The following PSMC4 variants were observed in gnomAD, a reference collection of about 807,000 sequenced individuals.
PSMC4 encodes 26S proteasome regulatory subunit 6B.
A neutral mutation model predicts 48.4 loss-of-function variants in PSMC4; 13 were observed. The observed-to-expected ratio is 0.27, with a 90% confidence interval of 0.18 to 0.43. The LOEUF is 0.43. Among genes scored for constraint, PSMC4 ranks in the 20% least tolerant of loss-of-function variants. The pLI is 1.00. For synonymous variants in PSMC4, 202 were observed against 212.3 expected (o/e 0.95, Z 0.42); for missense variants, 262 against 555.9 (o/e 0.47, Z 5.32).
chr19:39,971,351 A>C, intron 1 of PSMC4, 113 bp downstream of exon 1: 1 of 1,289,688 alleles, frequency 7.8e-7, no homozygotes, highest in Non-Finnish European at 1.1e-6. Context: ...GGTTGGGGTT[A>C]TTTTAGAGGC....
In PSMC4 at chr19:39,971,602, T is replaced by C. The variant is rs181550505; in HGVS notation, c.36+364T>C. On this transcript the variant is annotated intron_variant, in intron 1 of 10. Transcript: ENST00000157812. ...GGCCGAGTGATCCCCGGGTCTGGGC[T>C]GCGGGGCTGACTGATGTTCAGGGCT... Among the ~76,000 whole-genome samples the C allele has an allele frequency of 3.0e-3, 453 of 152,178 alleles. 1 individual carries two copies. The highest frequency in any genetic ancestry group is 8.8e-3 in the African/African-American group (366 of 41,530).
chr19:39,974,232 G>A lies in PSMC4; in HGVS notation c.323-62G>A. The A allele has an allele frequency of 6.3e-7, 1 of 1,589,914 alleles. No homozygotes were observed. The highest frequency in any genetic ancestry group is 8.6e-7 in the Non-Finnish European group (1 of 1,164,836). On this transcript the variant is annotated intron_variant, in intron 3 of 10. Transcript: ENST00000157812. The surrounding 1 kb of genome is among the most constrained non-coding windows in gnomAD (Gnocchi z 5.5). ...GTTGGGGTGTGGAGATTAGGAGGGA[G>A]GAAGGGGGAAGGGGCAGTTTCCAGG...
chr19:39,976,842 T>C (rs1197134696), intron 6 of PSMC4, among the ~76,000 whole-genome samples: 1 of 143,934 alleles, frequency 6.9e-6, no homozygotes, highest in East Asian at 2.0e-4. Flanking sequence ...ATTTTTTGTG[T>C]GTGATTTTTT....
At chr19:39,978,829 C>T (rs915478447) in intron 6 of PSMC4, among the ~76,000 whole-genome samples, 1 of 152,182 alleles carries the variant, frequency 6.6e-6, no homozygotes, top group South Asian at 2.1e-4. Context: ...CCAGCCTGAG[C>T]AATATAGCAA....
At position 39,981,218 on chromosome 19, in the gene PSMC4, C is replaced by T. The variant is rs147156023; in HGVS notation, c.1170C>T (p.Asn390=). ...GTGGAATGTTGGCTGTCCGTGAAAACCGCTACATTGTCCTGGCCAAGGACT... is the reference window on the plus strand; with the variant it reads ...GTGGAATGTTGGCTGTCCGTGAAAATCGCTACATTGTCCTGGCCAAGGACT... The part of the protein sequence containing the change: ...QESGMLAVRE[N]RYIVLAKDFE... The change falls in exon 11 of 11, where the codon AAC becomes AAT. Residue 390 remains asparagine, a synonymous_variant. Transcript: ENST00000157812. 1.9e-6 allele frequency: 3 copies of T among 1,613,872 alleles called. No individual in the cohort carries two copies. Among genetic ancestry groups the T allele is most frequent in the African/African-American group, 2.7e-5 (2 of 74,876 alleles).
chr19:39,978,199 C>G (rs947557749), intron 6 of PSMC4, among the ~76,000 whole-genome samples: 8 of 152,148 alleles, frequency 5.3e-5, no homozygotes, highest in African/African-American at 1.9e-4. Context: ...GAAGCAGGAG[C>G]CCATTCCAGG....
rs1475050573 is a variant in PSMC4, at chr19:39,980,729, T to C, written c.1143+12T>C. On this transcript the variant is annotated intron_variant, in intron 10 of 10. Transcript: ENST00000157812. The surrounding 1 kb of genome is among the most constrained non-coding windows in gnomAD (Gnocchi z 4.8). ...CCATCTGTCAGGAGGTAAGTGGTGGTTTCTCTCTGGATCCAGGCAGCGGGT... is the reference window on the plus strand; with the variant it reads ...CCATCTGTCAGGAGGTAAGTGGTGGCTTCTCTCTGGATCCAGGCAGCGGGT... 2 of 1,613,198 alleles carry C rather than the reference T, an allele frequency of 1.2e-6. No homozygotes were observed. Among genetic ancestry groups the C allele is most frequent in the Non-Finnish European group, 1.7e-6 (2 of 1,179,258 alleles).
In PSMC4 at chr19:39,979,672, C is replaced by T. The variant is rs559580186; in HGVS notation, c.674-145C>T. The T allele has an allele frequency of 4.2e-5, 32 of 762,328 alleles. No homozygotes were observed. In the East Asian group the frequency reaches 9.6e-4, roughly 23 times the overall value. 47.2% of individuals were successfully genotyped at this position (762,328 alleles called of 1,614,324 possible). On this transcript the variant is annotated intron_variant, in intron 6 of 10. Transcript: ENST00000157812. ...TCCTCAGGGCTGGATGTGGGGCTCA[C>T]CCTTGGGCATGAGGGAATGACACAA...
rs767692108 is a variant in PSMC4, at chr19:39,980,330, G to A, written c.963G>A (p.Leu321=). ...TNRADTLDPA[L]LRPGRLDRKI... is the part of the protein sequence containing the mutation. ...GAGCAGACACCCTGGATCCGGCCCT[G>A]CTACGGCCAGGACGGCTGGACCGTA... The change falls in exon 9 of 11, where the codon CTG becomes CTA. Residue 321 remains leucine (L), a synonymous_variant. Coordinates refer to ENST00000157812, the MANE Select transcript of PSMC4 (RefSeq NM_006503.4). This position sits in a 1 kb window ranked among gnomAD's most constrained non-coding sequence, Gnocchi z 4.8. The A allele has an allele frequency of 6.2e-7, 1 of 1,613,948 alleles. No homozygotes were observed. The highest frequency in any genetic ancestry group is 1.7e-5 in the Admixed American group (1 of 60,006).
At position 39,978,448 on chromosome 19, in the gene PSMC4, T is replaced by G. The variant is rs552173656; in HGVS notation, c.674-1369T>G. 9.2e-5 allele frequency among the ~76,000 whole-genome samples: 14 copies of G among 152,204 alleles called. No individual in the cohort carries two copies. The South Asian group carries it at 2.9e-3, about 32-fold the overall frequency. The stretch of plus-strand genomic sequence containing the variant: ...TGTTTTCTGTTTAGAGCAGAAAAAG[T>G]CAGAAATCTTGAGGTTAGGATGCTG... On this transcript the variant is annotated intron_variant, in intron 6 of 10. Coordinates refer to ENST00000157812, the MANE Select transcript of PSMC4 (RefSeq NM_006503.4).
intron 6 of PSMC4, among the ~76,000 whole-genome samples, chr19:39,975,069 G>A (rs980649728): frequency 6.6e-6 from 1 of 152,146 alleles, no homozygotes; most frequent in Non-Finnish European, 1.5e-5. Flanking sequence ...AATGGGTTGT[G>A]ACCTATTAGT....
chr19:39,973,742 C>T (rs574562648), intron 3 of PSMC4, among the ~76,000 whole-genome samples: 2 of 152,196 alleles, frequency 1.3e-5, no homozygotes, highest in East Asian at 3.9e-4. Flanking sequence ...CTGGGCTCTG[C>T]TCCTCTGGAC....
At chr19:39,981,018 G>C (rs1971279537) in intron 10 of PSMC4, among the ~76,000 whole-genome samples, 174 bp from the exon 11 acceptor site, 1 of 151,654 alleles carries the variant, frequency 6.6e-6, no homozygotes, top group Admixed American at 6.6e-5. Flanking sequence ...CCACCAGTCT[G>C]GCTAATTTTT....
In PSMC4 at chr19:39,975,561, A is replaced by G. The variant is rs866509439; in HGVS notation, c.673+733A>G. Among the ~76,000 whole-genome samples, 42 of 152,214 alleles carry G rather than the reference A, an allele frequency of 2.8e-4. 1 individual carries two copies. The highest frequency in any genetic ancestry group is 3.4e-3 in the Middle Eastern group (1 of 294). Reference sequence around the variant, plus strand: ...CAGTAGGAGGTAGTAGTTAAGCAGTATGTTTTCTGGGGCTAGACTGCCTGG... The same window carrying G: ...CAGTAGGAGGTAGTAGTTAAGCAGTGTGTTTTCTGGGGCTAGACTGCCTGG... On this transcript the variant is annotated intron_variant, in intron 6 of 10. Transcript: ENST00000157812.
chr19:39,973,083 T>G (rs1272481769), intron 3 of PSMC4, among the ~76,000 whole-genome samples: 2 of 152,214 alleles, frequency 1.3e-5, no homozygotes, highest in Non-Finnish European at 2.9e-5. Flanking sequence ...TCTGTATCTG[T>G]CTCTTACTTT....
Position 39,980,276 on chromosome 19 carries a change from C to A in PSMC4, c.919-10C>A, listed in dbSNP as rs375386605. ...GCAGAGATCTGAGCTGGCCTGCCCC[C>A]CAATGTCAGGTAATCATGGCCACAA... On this transcript the variant is annotated splice_polypyrimidine_tract_variant and intron_variant, in intron 8 of 10. Transcript: ENST00000157812. The surrounding 1 kb of genome is among the most constrained non-coding windows in gnomAD (Gnocchi z 4.8). The A allele has an allele frequency of 3.1e-6, 5 of 1,613,770 alleles. No individual in the cohort carries two copies. Among genetic ancestry groups the A allele is most frequent in the Non-Finnish European group, 4.2e-6 (5 of 1,179,910 alleles).
chr19:39,972,805 G>C (rs1340481869), intron 3 of PSMC4, among the ~76,000 whole-genome samples: 1 of 151,850 alleles, frequency 6.6e-6, no homozygotes, highest in Non-Finnish European at 1.5e-5. Context: ...GAGTGCAATG[G>C]CATGATCTCG....
At chr19:39,979,759 G>A in intron 6 of PSMC4, 58 bp from the exon 7 acceptor site, 1 of 1,494,228 alleles carries the variant, frequency 6.7e-7, no homozygotes, top group Non-Finnish European at 9.0e-7. Flanking sequence ...TTCTGTTAAA[G>A]CAGAATGGGC....
Position 39,974,420 on chromosome 19 carries a change from G to C in PSMC4, c.449G>C (p.Ser150Thr), listed in dbSNP as rs749080344. 6.2e-7 allele frequency: 1 copy of C among 1,614,076 alleles called. No homozygotes were observed. Among genetic ancestry groups the C allele is most frequent in the East Asian group, 2.2e-5 (1 of 44,872 alleles). Residue 150 changes from serine (S) to threonine (T), a missense_variant, in exon 4 of 11, where the codon AGC becomes ACC. Around this residue, in one of 4 missense-constraint regions of PSMC4, gnomAD observed 131 missense variants for 276.7 expected, o/e 0.47. Coordinates refer to ENST00000157812, the MANE Select transcript of PSMC4 (RefSeq NM_006503.4). The surrounding 1 kb of genome is among the most constrained non-coding windows in gnomAD (Gnocchi z 5.5). ...VDVLPPEADS[S>T]IMMLTSDQKP... ...GTGCTGCCCCCCGAAGCCGACAGCA[G>C]CATCATGATGCTCACCTCAGGTAAA...
Sources: allele counts gnomAD v4.1 joint callset (sites outside exome capture counted in the v4.1 genomes callset), GRCh38; gene constraint gnomAD v4.1.1; regional missense constraint gnomAD v4.1.1; non-coding constraint Gnocchi (gnomAD v3.1); transcripts MANE v1.5; gene names NCBI Gene and HGNC (gene_info 2026-07-23, HGNC 2026-07-21).